Variants in SUCLG2 observed in about 807,000 individuals in gnomAD.
The protein encoded by SUCLG2 is succinate-CoA ligase GDP-forming subunit beta, also known as succinate--CoA ligase [GDP-forming] subunit beta, mitochondrial.
SUCLG2 carries 42 observed loss-of-function variants against 47.9 expected under a neutral mutation model. That is an observed-to-expected ratio of 0.88 (90% CI 0.69 to 1.14). SUCLG2 has a LOEUF of 1.14. Ranked by LOEUF, SUCLG2 falls within the 50% of genes most tolerant of loss-of-function variation. SUCLG2 has a pLI of 0.00. For synonymous variants in SUCLG2, 195 were observed against 197.3 expected (o/e 0.99, Z 0.10); for missense variants, 571 against 525.9 (o/e 1.09, Z -0.84).
intron 1 of SUCLG2, among the ~76,000 whole-genome samples, chr3:67,636,161 C>G (rs1432108933): frequency 6.6e-6 from 1 of 151,964 alleles, no homozygotes; most frequent in Non-Finnish European, 1.5e-5. Flanking sequence ...GAAGTCACTT[C>G]CAAGCAGAAA....
At chr3:67,434,266 C>G (rs1010806044) in intron 9 of SUCLG2, among the ~76,000 whole-genome samples, 3 of 152,192 alleles carry the variant, frequency 2.0e-5, no homozygotes, top group Admixed American at 2.0e-4. Context: ...TGGCTCACGT[C>G]CGTTATCCCA....
intron 9 of SUCLG2, among the ~76,000 whole-genome samples, chr3:67,441,347 C>T (rs562830782): frequency 2.0e-5 from 3 of 150,920 alleles, no homozygotes; most frequent in East Asian, 3.9e-4. Context: ...GCACATTCTG[C>T]ACATGTATCT....
At chr3:67,464,120 G>A (rs913387711) in intron 9 of SUCLG2, among the ~76,000 whole-genome samples, 2 of 152,158 alleles carry the variant, frequency 1.3e-5, no homozygotes, top group African/African-American at 2.4e-5. Context: ...TTCCTTTTAG[G>A]AGTCCTCAAA....
At chr3:67,489,319 GA>G (rs1027907096) in intron 9 of SUCLG2, among the ~76,000 whole-genome samples, 1 of 152,036 alleles carries the variant, frequency 6.6e-6, no homozygotes, top group African/African-American at 2.4e-5. Flanking sequence ...ACTGCCGGGG[GA>G]AAAAAGAAAA....
At chr3:67,546,784 C>T (rs1020739956) in intron 2 of SUCLG2, among the ~76,000 whole-genome samples, 1 of 151,612 alleles carries the variant, frequency 6.6e-6, no homozygotes, top group African/African-American at 2.4e-5. Flanking sequence ...GCCTGTAATC[C>T]CAGCTACTTG....
chr3:67,506,648 A>G (rs1362657444), intron 7 of SUCLG2, among the ~76,000 whole-genome samples: 1 of 152,170 alleles, frequency 6.6e-6, no homozygotes, highest in Admixed American at 6.5e-5. Context: ...AATGTATTGC[A>G]GCCATTTTTA....
At chr3:67,459,746 G>A in intron 9 of SUCLG2, among the ~76,000 whole-genome samples, 1 of 152,290 alleles carries the variant, frequency 6.6e-6, no homozygotes, top group Middle Eastern at 3.4e-3. Context: ...CTTACATAAA[G>A]GAACACTGGT....
At chr3:67,565,870 T>G (rs1328511826) in intron 2 of SUCLG2, among the ~76,000 whole-genome samples, 2 of 152,216 alleles carry the variant, frequency 1.3e-5, no homozygotes, top group East Asian at 3.9e-4. Flanking sequence ...TTAAAGTACA[T>G]TTTGAGCTTC....
At chr3:67,393,068 G>C (rs184017359) in intron 10 of SUCLG2, among the ~76,000 whole-genome samples, 4 of 152,126 alleles carry the variant, frequency 2.6e-5, no homozygotes, top group African/African-American at 9.7e-5. Flanking sequence ...GAACAGCTCC[G>C]GTCTACAGCT....
At chr3:67,552,900 A>T (rs1256672313) in intron 2 of SUCLG2, among the ~76,000 whole-genome samples, 1 of 152,192 alleles carries the variant, frequency 6.6e-6, no homozygotes, top group African/African-American at 2.4e-5. Context: ...TTTCTTTAAA[A>T]AATGCAACTG....
chr3:67,607,429 C>CT (rs897150970), intron 2 of SUCLG2, among the ~76,000 whole-genome samples: 5 of 151,942 alleles, frequency 3.3e-5, no homozygotes, highest in Non-Finnish European at 7.4e-5. Flanking sequence ...TAATTTCACC[C>CT]TTTTTTTCAT....
chr3:67,521,628 A>T (rs964966406), intron 4 of SUCLG2, among the ~76,000 whole-genome samples: 3 of 150,484 alleles, frequency 2.0e-5, no homozygotes, highest in Non-Finnish European at 4.4e-5. Context: ...AAAAAGACAG[A>T]GTCTCACTCT....
At chr3:67,409,158 T>A (rs1475659483) in intron 9 of SUCLG2, 11 of 1,131,232 alleles carry the variant, frequency 9.7e-6, no homozygotes, top group Non-Finnish European at 1.3e-5. Flanking sequence ...CTCATGGTTT[T>A]GGCATTTCCT....
intron 2 of SUCLG2, among the ~76,000 whole-genome samples, chr3:67,541,719 T>C (rs1271274924): frequency 6.6e-6 from 1 of 152,098 alleles, no homozygotes; most frequent in Non-Finnish European, 1.5e-5. Flanking sequence ...AATTGTCAGA[T>C]TCACCAAGGT....
At chr3:67,648,904 G>A (rs747931401) in intron 1 of SUCLG2, among the ~76,000 whole-genome samples, 6 of 152,096 alleles carry the variant, frequency 3.9e-5, no homozygotes, top group Admixed American at 3.3e-4. Context: ...AATCACTCAC[G>A]CTGTTACATT....
In SUCLG2 at chr3:67,477,619, C is replaced by G. The variant is rs188355602; in HGVS notation, c.1062+18179G>C. On this transcript the variant is annotated intron_variant, in intron 9 of 10. Coordinates refer to ENST00000307227, the MANE Select transcript of SUCLG2 (RefSeq NM_003848.4). ...CTGAGGCAGGAGAATCACTTGAACCCGAGAGGCAGAGGTTGCAGTGATCTG... is the reference window on the plus strand; with the variant it reads ...CTGAGGCAGGAGAATCACTTGAACCGGAGAGGCAGAGGTTGCAGTGATCTG... 6.2e-3 allele frequency among the ~76,000 whole-genome samples: 941 copies of G among 152,214 alleles called. 17 individuals are homozygous for G. Among genetic ancestry groups the G allele is most frequent in the African/African-American group, 0.021 (888 of 41,532 alleles).
intron 10 of SUCLG2, among the ~76,000 whole-genome samples, chr3:67,360,950 C>T (rs1442717211): frequency 6.6e-6 from 1 of 152,136 alleles, no homozygotes; most frequent in Non-Finnish European, 1.5e-5. Flanking sequence ...CTGTCTCTCT[C>T]TCGTTTATTG....
chr3:67,479,307 A>G (rs558618228), intron 9 of SUCLG2, among the ~76,000 whole-genome samples: 1 of 152,218 alleles, frequency 6.6e-6, no homozygotes, highest in African/African-American at 2.4e-5. Context: ...AAAAAACAAC[A>G]AAAGAAAACA....
chr3:67,469,467 C>A (rs150555528), intron 9 of SUCLG2, among the ~76,000 whole-genome samples: 3 of 152,146 alleles, frequency 2.0e-5, no homozygotes, highest in African/African-American at 7.2e-5. Flanking sequence ...CGGTGGCTCA[C>A]GCCTGTAATT....
Sources: gnomAD v4.1 joint callset for allele counts (sites outside exome capture counted in the v4.1 genomes callset) on GRCh38, gnomAD v4.1.1 for gene constraint, MANE v1.5 for transcripts, NCBI Gene and HGNC (gene_info 2026-07-23, HGNC 2026-07-21) for gene names.